The following ANKRD17 variants were observed in gnomAD, a reference collection of about 807,000 sequenced individuals.
ANKRD17 encodes ankyrin repeat domain-containing protein 17.
In ANKRD17, 19 loss-of-function variants were observed where a neutral mutation model predicts 229.7. The ratio of observed to expected loss-of-function variants is 0.08; its 90% CI spans 0.06 to 0.12. The LOEUF (loss-of-function observed/expected upper bound fraction) is 0.12. ANKRD17 is among the 10% of genes least tolerant of loss of function. ANKRD17 has a pLI of 1.00. For missense variants in ANKRD17, 2,176 were observed against 3,176.8 expected (o/e 0.68, Z 7.57); for synonymous variants, 1,112 against 1,146.1 (o/e 0.97, Z 0.60).
chr4:73,182,457 T>G (rs570427301), intron 1 of ANKRD17, among the ~76,000 whole-genome samples: 1 of 152,196 alleles, frequency 6.6e-6, no homozygotes, highest in Non-Finnish European at 1.5e-5. Flanking sequence ...TCCAATTAAC[T>G]AGCTCAATAT....
chr4:73,101,105 T>A (rs1723925694), intron 25 of ANKRD17: 1 of 841,276 alleles, frequency 1.2e-6, no homozygotes, highest in African/African-American at 1.8e-5. Flanking sequence ...TATGCAAATA[T>A]TACACCATGT....
intron 29 of ANKRD17, among the ~76,000 whole-genome samples, chr4:73,089,673 ATTC>A (rs1263103334): frequency 2.6e-5 from 4 of 152,220 alleles, no homozygotes; most frequent in African/African-American, 7.2e-5. Flanking sequence ...GAATTATAGA[ATTC>A]TTCTATAAAT....
In ANKRD17 at chr4:73,102,406, C is replaced by T. The variant is rs1381262048; in HGVS notation, c.4543G>A (p.Ala1515Thr). The T allele has an allele frequency of 3.1e-6, 5 of 1,590,056 alleles. No individual in the cohort carries two copies. In the Admixed American group the frequency reaches 5.7e-5, roughly 18 times the overall value. The change falls in exon 25 of 34, where the codon GCT becomes ACT. Residue 1515 changes from alanine (A) to threonine (T), a missense_variant. Ala to Thr is a moderately conservative substitution (Grantham distance 58, BLOSUM62 0). Coordinates refer to ENST00000358602, the MANE Select transcript of ANKRD17 (RefSeq NM_032217.5). ...KNKENFELQA[A>T]QEKEKLKVED... The stretch of plus-strand genomic sequence containing the variant: ...ACTTTAAGCTTTTCTTTTTCTTGAG[C>T]AGCTTGGAGTTCAAAGTTCTCTTTA...
intron 18 of ANKRD17, among the ~76,000 whole-genome samples, chr4:73,123,545 C>T (rs2148711242): frequency 6.6e-6 from 1 of 151,852 alleles, no homozygotes; most frequent in African/African-American, 2.4e-5. Flanking sequence ...ATATCTATTC[C>T]AAATATAAGG....
chr4:73,166,775 G>T (rs1330570081), intron 2 of ANKRD17, among the ~76,000 whole-genome samples: 1 of 150,024 alleles, frequency 6.7e-6, no homozygotes, highest in Non-Finnish European at 1.5e-5. Context: ...AAAAAAAGAG[G>T]AACTGTTATG....
At chr4:73,217,880 C>T (rs1741294503) in intron 1 of ANKRD17, among the ~76,000 whole-genome samples, 2 of 152,084 alleles carry the variant, frequency 1.3e-5, no homozygotes, top group Admixed American at 6.6e-5. Flanking sequence ...TACATATACG[C>T]AAATATTCCA....
chr4:73,241,896 G>A (rs190225058), intron 1 of ANKRD17, among the ~76,000 whole-genome samples: 2 of 152,198 alleles, frequency 1.3e-5, no homozygotes, highest in East Asian at 3.9e-4. Context: ...TGGACATACT[G>A]AAGGGGCAGA....
intron 1 of ANKRD17, among the ~76,000 whole-genome samples, chr4:73,239,993 A>C (rs1743867454): frequency 6.6e-6 from 1 of 152,194 alleles, no homozygotes; most frequent in Non-Finnish European, 1.5e-5. Flanking sequence ...AACAGCAACT[A>C]TGTAAGTTTT....
intron 1 of ANKRD17, among the ~76,000 whole-genome samples, chr4:73,179,547 G>T (rs2149005995): frequency 9.4e-6 from 1 of 105,896 alleles, no homozygotes; most frequent in African/African-American, 3.6e-5. Flanking sequence ...AAGAGACATG[G>T]ATAGTCTCAC....
chr4:73,155,520 C>A, intron 5 of ANKRD17, 111 bp downstream of exon 5: 1 of 1,132,626 alleles, frequency 8.8e-7, no homozygotes, highest in Non-Finnish European at 1.3e-6. Context: ...GAATATGTAG[C>A]ACTTCTAATA....
intron 1 of ANKRD17, among the ~76,000 whole-genome samples, chr4:73,186,513 A>T (rs1736314531): frequency 6.6e-6 from 1 of 152,106 alleles, no homozygotes; most frequent in Non-Finnish European, 1.5e-5. Context: ...TTTTTCATTC[A>T]TACTTGTCTA....
intron 1 of ANKRD17, among the ~76,000 whole-genome samples, chr4:73,180,384 C>G (rs1294119794): frequency 6.6e-6 from 1 of 152,046 alleles, no homozygotes; most frequent in Non-Finnish European, 1.5e-5. Context: ...CAGAAGATAT[C>G]AAATTTCAAT....
chr4:73,109,249 G>A (rs1725005543), intron 24 of ANKRD17, among the ~76,000 whole-genome samples: 1 of 151,358 alleles, frequency 6.6e-6, no homozygotes, highest in Non-Finnish European at 1.5e-5. Context: ...ACAGTGAGCT[G>A]AGATCGCACC....
At position 73,124,909 on chromosome 4, in the gene ANKRD17, T is replaced by A. The variant is rs369201069; in HGVS notation, c.3492+4A>T. ...AAAACAATTACACTAAGGGGAAACA[T>A]TACCTCCTGTCTTCCCCCAGAACAA... On this transcript the variant is annotated splice_donor_region_variant and intron_variant, in intron 18 of 33. Transcript: ENST00000358602. The A allele has an allele frequency of 3.1e-6, 5 of 1,613,530 alleles. No homozygotes were observed. In the East Asian group the frequency reaches 8.9e-5, roughly 29 times the overall value.
At chr4:73,129,184 T>C (rs942627044) in intron 16 of ANKRD17, among the ~76,000 whole-genome samples, 2 of 152,194 alleles carry the variant, frequency 1.3e-5, no homozygotes, top group African/African-American at 4.8e-5. Flanking sequence ...CATGATGCCA[T>C]AATATATACA....
At chr4:73,138,220 T>A (rs576961106) in intron 15 of ANKRD17, among the ~76,000 whole-genome samples, 4 of 152,132 alleles carry the variant, frequency 2.6e-5, no homozygotes, top group Non-Finnish European at 5.9e-5. Context: ...TGATTAGTAG[T>A]GACTTTCAAA....
intron 1 of ANKRD17, among the ~76,000 whole-genome samples, chr4:73,219,878 A>G (rs888095194): frequency 1.3e-4 from 20 of 152,288 alleles, no homozygotes; most frequent in African/African-American, 4.6e-4. Flanking sequence ...AACAATCTGA[A>G]CTTAATCAAA....
At chr4:73,221,040 G>A (rs1357817110) in intron 1 of ANKRD17, among the ~76,000 whole-genome samples, 1 of 152,112 alleles carries the variant, frequency 6.6e-6, no homozygotes. Flanking sequence ...TTTGCACTCT[G>A]TATTTTTAGC....
intron 2 of ANKRD17, among the ~76,000 whole-genome samples, chr4:73,171,016 G>A (rs552182646): frequency 1.2e-3 from 184 of 152,194 alleles, no homozygotes; most frequent in African/African-American, 4.2e-3. Flanking sequence ...GAGCCCTAGG[G>A]CCTTCAGCAA....
Sources: gnomAD v4.1 joint callset for allele counts (sites outside exome capture counted in the v4.1 genomes callset) on GRCh38, gnomAD v4.1.1 for gene constraint, MANE v1.5 for transcripts, NCBI Gene and HGNC (gene_info 2026-07-23, HGNC 2026-07-21) for gene names.